Variants in C8orf34 observed in about 807,000 individuals in gnomAD.
The protein encoded by C8orf34 is chromosome 8 open reading frame 34, also known as uncharacterized protein C8orf34.
A neutral mutation model predicts 68.3 loss-of-function variants in C8orf34; 65 were observed. The observed-to-expected ratio is 0.95, with a 90% confidence interval of 0.78 to 1.17. The LOEUF (loss-of-function observed/expected upper bound fraction) is 1.17. Among genes scored for constraint, C8orf34 ranks in the 50% most tolerant of loss-of-function variants. The pLI is 0.00. For synonymous variants in C8orf34, 244 were observed against 241.2 expected (o/e 1.01, Z -0.11); for missense variants, 664 against 655.4 (o/e 1.01, Z -0.14).
intron 8 of C8orf34, among the ~76,000 whole-genome samples, chr8:68,647,380 C>A (rs1278817007): frequency 6.6e-6 from 1 of 152,078 alleles, no homozygotes; most frequent in African/African-American, 2.4e-5. Context: ...TATTGAAAAG[C>A]GTGGAGTTTC....
At chr8:68,362,058 G>A (rs1807025533) in intron 1 of C8orf34, among the ~76,000 whole-genome samples, 1 of 152,198 alleles carries the variant, frequency 6.6e-6, no homozygotes, top group Non-Finnish European at 1.5e-5. Flanking sequence ...TATCTGTGTA[G>A]TTGCAAATGT....
chr8:68,499,183 G>A (rs1372010036), intron 5 of C8orf34, among the ~76,000 whole-genome samples: 4 of 152,118 alleles, frequency 2.6e-5, no homozygotes, highest in Non-Finnish European at 5.9e-5. Flanking sequence ...GTGGTATTTG[G>A]TTATCTGTTC....
chr8:68,721,174 A>G (rs1211660901), intron 9 of C8orf34, among the ~76,000 whole-genome samples, 187 bp from the exon 10 acceptor site: 3 of 151,952 alleles, frequency 2.0e-5, no homozygotes, highest in African/African-American at 4.8e-5. Flanking sequence ...AATTAAAAAT[A>G]CTTATCATTT....
intron 8 of C8orf34, among the ~76,000 whole-genome samples, chr8:68,647,753 CT>C (rs558463967): frequency 3.2e-4 from 49 of 152,044 alleles, no homozygotes; most frequent in African/African-American, 1.1e-3. Flanking sequence ...AAAATAGAAG[CT>C]TTTTTTTCAT....
chr8:68,605,231 GC>G (rs1441529251), intron 7 of C8orf34, among the ~76,000 whole-genome samples: 1 of 152,138 alleles, frequency 6.6e-6, no homozygotes, highest in Non-Finnish European at 1.5e-5. Flanking sequence ...AGGATTTGGA[GC>G]AACAGCAGCT....
intron 10 of C8orf34, among the ~76,000 whole-genome samples, chr8:68,756,081 A>G (rs1822851654): frequency 1.0e-5 from 1 of 98,724 alleles, no homozygotes; most frequent in Non-Finnish European, 1.9e-5. Flanking sequence ...AAACAAACAA[A>G]AAAACAAAAA....
chr8:68,818,612 T>C lies in C8orf34; in HGVS notation c.*366T>C, dbSNP rs1824889470. On this transcript the variant is annotated 3_prime_UTR_variant, in exon 14 of 14. Coordinates refer to ENST00000518698, the MANE Select transcript of C8orf34 (RefSeq NM_052958.4). The stretch of plus-strand genomic sequence containing the variant: ...TAACTTGTCTAGGGTTTTCTACTTC[T>C]TCTATTTTTATAATATTTTCTCATT... 5.6e-6 allele frequency: 1 copy of C among 178,952 alleles called. No individual in the cohort carries two copies. The highest frequency in any genetic ancestry group is 2.4e-5 in the African/African-American group (1 of 42,500). The allele number at this position is 178,952 out of a possible 1,614,324, so 11.1% of individuals were successfully genotyped here.
intron 11 of C8orf34, among the ~76,000 whole-genome samples, chr8:68,780,399 G>A (rs1254181266): frequency 1.3e-5 from 2 of 152,176 alleles, no homozygotes; most frequent in African/African-American, 4.8e-5. Context: ...AAAAGAAGAT[G>A]AAGTACAATC....
At chr8:68,509,079 T>C (rs1814148202) in intron 5 of C8orf34, among the ~76,000 whole-genome samples, 1 of 152,134 alleles carries the variant, frequency 6.6e-6, no homozygotes, top group Non-Finnish European at 1.5e-5. Flanking sequence ...GGCTTTCTCA[T>C]TCCCCCCTCT....
intron 1 of C8orf34, among the ~76,000 whole-genome samples, chr8:68,422,163 C>T (rs569016060): frequency 6.6e-6 from 1 of 152,340 alleles, no homozygotes; most frequent in Admixed American, 6.5e-5. Flanking sequence ...AAAACACAAT[C>T]ATGTGTGTCC....
At chr8:68,377,413 G>T (rs953780554) in intron 1 of C8orf34, among the ~76,000 whole-genome samples, 2 of 151,590 alleles carry the variant, frequency 1.3e-5, no homozygotes, top group Admixed American at 1.3e-4. Flanking sequence ...AGGAGAAGGA[G>T]AAGGAGAAGG....
intron 10 of C8orf34, among the ~76,000 whole-genome samples, chr8:68,742,552 T>C (rs1026782039): frequency 1.4e-4 from 21 of 152,204 alleles, no homozygotes; most frequent in African/African-American, 4.6e-4. Flanking sequence ...TCTCCCCATT[T>C]CTAAAAATGT....
In C8orf34 at chr8:68,753,385, A is replaced by G. The variant is rs140667940; in HGVS notation, c.1405-23014A>G. 7.7e-3 allele frequency among the ~76,000 whole-genome samples: 1,172 copies of G among 152,340 alleles called. 12 individuals carry two copies. The highest frequency in any genetic ancestry group is 0.024 in the Middle Eastern group (7 of 294). On this transcript the variant is annotated intron_variant, in intron 10 of 13. Coordinates refer to ENST00000518698, the MANE Select transcript of C8orf34 (RefSeq NM_052958.4). Reference sequence around the variant, plus strand: ...GGAAAGTGAAATGGTTTTAGCCTTAAAAACATAATGGTTCTCTAAGGAAAA... The same window carrying G: ...GGAAAGTGAAATGGTTTTAGCCTTAGAAACATAATGGTTCTCTAAGGAAAA...
At chr8:68,398,936 A>G (rs150996349) in intron 1 of C8orf34, among the ~76,000 whole-genome samples, 11 of 152,132 alleles carry the variant, frequency 7.2e-5, no homozygotes, top group Non-Finnish European at 1.5e-4. Context: ...TCGGGCCACT[A>G]TTCTCAGAGG....
At chr8:68,733,547 G>A (rs897087438) in intron 10 of C8orf34, among the ~76,000 whole-genome samples, 4 of 151,978 alleles carry the variant, frequency 2.6e-5, no homozygotes, top group African/African-American at 9.7e-5. Flanking sequence ...ATAACTAGCT[G>A]TTCTAAAGCA....
At chr8:68,681,761 C>A (rs745385811) in intron 8 of C8orf34, among the ~76,000 whole-genome samples, 29 of 152,156 alleles carry the variant, frequency 1.9e-4, no homozygotes, top group Non-Finnish European at 3.8e-4. Context: ...GATTTGGAAG[C>A]AACCTAGGTG....
intron 5 of C8orf34, among the ~76,000 whole-genome samples, chr8:68,516,073 A>G (rs1469826659): frequency 6.6e-6 from 1 of 152,222 alleles, no homozygotes; most frequent in East Asian, 1.9e-4. Context: ...TTGAAATAGC[A>G]GGATCAAAAT....
At chr8:68,424,777 G>A (rs554838222) in intron 1 of C8orf34, among the ~76,000 whole-genome samples, 2 of 152,152 alleles carry the variant, frequency 1.3e-5, no homozygotes, top group South Asian at 2.1e-4. Context: ...GTGGGCGCCT[G>A]TAGTCCCAGC....
At chr8:68,624,480 C>T (rs934131153) in intron 7 of C8orf34, among the ~76,000 whole-genome samples, 1 of 152,128 alleles carries the variant, frequency 6.6e-6, no homozygotes, top group African/African-American at 2.4e-5. Context: ...TAAATTTAGA[C>T]AGATCAAACT....
Sources: gnomAD v4.1 joint callset for allele counts (sites outside exome capture counted in the v4.1 genomes callset) on GRCh38, gnomAD v4.1.1 for gene constraint, MANE v1.5 for transcripts, NCBI Gene and HGNC (gene_info 2026-07-23, HGNC 2026-07-21) for gene names.